The following OTUD7A variants were observed in gnomAD, a reference collection of about 807,000 sequenced individuals.
OTUD7A encodes OTU domain-containing protein 7A.
OTUD7A carries 12 observed loss-of-function variants against 65.7 expected under a neutral mutation model. The observed-to-expected ratio is 0.18, with a 90% CI of 0.12 to 0.30. OTUD7A has a LOEUF of 0.30. OTUD7A is among the 10% of genes least tolerant of loss of function. The pLI is 1.00. For missense variants in OTUD7A, 1,148 were observed against 1,304.8 expected (o/e 0.88, Z 1.85); for synonymous variants, 641 against 586.3 (o/e 1.09, Z -1.35).
intron 3 of OTUD7A, among the ~76,000 whole-genome samples, chr15:31,604,758 G>A (rs998286926): frequency 3.3e-5 from 5 of 152,226 alleles, no homozygotes; most frequent in African/African-American, 9.6e-5. Flanking sequence ...TCCCACTCAG[G>A]AGCCCAGGGG....
chr15:31,559,212 C>CCACACCTACA, intron 4 of OTUD7A, 25 bp from the exon 5 acceptor site: 1 of 1,603,456 alleles, frequency 6.2e-7, no homozygotes, highest in Non-Finnish European at 8.5e-7. Context: ...GGAAAGATAG[C>CCACACCTACA]CCCAAGGGCT....
intron 8 of OTUD7A, among the ~76,000 whole-genome samples, chr15:31,508,102 A>G (rs1186865065): frequency 1.2e-5 from 1 of 81,914 alleles, no homozygotes; most frequent in Non-Finnish European, 2.4e-5. Flanking sequence ...AGTTACATTA[A>G]TAACAAGGGA....
At chr15:31,801,152 A>C (rs998997880) in intron 1 of OTUD7A, among the ~76,000 whole-genome samples, 1 of 152,104 alleles carries the variant, frequency 6.6e-6, no homozygotes, top group Non-Finnish European at 1.5e-5. Flanking sequence ...CCTCCTAATG[A>C]ACAATCACTA....
chr15:31,710,446 C>T (rs1893413406), intron 1 of OTUD7A, among the ~76,000 whole-genome samples: 1 of 151,396 alleles, frequency 6.6e-6, no homozygotes, highest in Non-Finnish European at 1.5e-5. Context: ...TTTCACCCAG[C>T]CGCACGGCCA....
At chr15:31,504,906 T>G (rs1338785330) in intron 8 of OTUD7A, among the ~76,000 whole-genome samples, 5 of 151,886 alleles carry the variant, frequency 3.3e-5, no homozygotes, top group Non-Finnish European at 7.4e-5. Flanking sequence ...CCTTTTTTTT[T>G]TTGAGACAGA....
chr15:31,506,393 G>C (rs549619223), intron 8 of OTUD7A, among the ~76,000 whole-genome samples: 2 of 152,118 alleles, frequency 1.3e-5, no homozygotes, highest in South Asian at 4.1e-4. Flanking sequence ...GAATAACGTG[G>C]ACTTAAATTT....
intron 3 of OTUD7A, among the ~76,000 whole-genome samples, chr15:31,606,676 C>T (rs1039869008): frequency 6.6e-5 from 10 of 152,152 alleles, no homozygotes; most frequent in South Asian, 2.1e-4. Context: ...AACTGTCTAA[C>T]GCACGACTTC....
At chr15:31,643,020 C>T (rs1891562350) in intron 3 of OTUD7A, among the ~76,000 whole-genome samples, 2 of 152,076 alleles carry the variant, frequency 1.3e-5, no homozygotes, top group Middle Eastern at 3.4e-3. Flanking sequence ...TTAACTTATA[C>T]ATTTTCTTAT....
At chr15:31,724,902 G>A (rs978732949) in intron 1 of OTUD7A, among the ~76,000 whole-genome samples, 3 of 151,978 alleles carry the variant, frequency 2.0e-5, no homozygotes, top group African/African-American at 4.8e-5. Context: ...GGGGTGGGGG[G>A]CACGAAAGCA....
chr15:31,512,317 G>A (rs1046482918), intron 8 of OTUD7A, among the ~76,000 whole-genome samples: 14 of 152,118 alleles, frequency 9.2e-5, no homozygotes, highest in African/African-American at 3.1e-4. Flanking sequence ...TGGCAGAGGA[G>A]CACGCTCCCT....
chr15:31,636,049 T>C (rs1891331161), intron 3 of OTUD7A, among the ~76,000 whole-genome samples: 1 of 152,250 alleles, frequency 6.6e-6, no homozygotes. Flanking sequence ...TGACACCAAA[T>C]AAAATGCACA....
At position 31,628,290 on chromosome 15, in the gene OTUD7A, C is replaced by A. The variant is rs530091173; in HGVS notation, c.151+26806G>T. On this transcript the variant is annotated intron_variant, in intron 3 of 12. Transcript: ENST00000307050. ...TTGTAAAGGGTGTAAAGAAGGGATC[C>A]AGTTTCAGCTTTCTACATATGGCCA... is the stretch of plus-strand genomic sequence containing the variant. Among the ~76,000 whole-genome samples, 6 of 152,252 alleles carry A rather than the reference C, an allele frequency of 3.9e-5. No individual in the cohort carries two copies. The South Asian group carries it at 1.0e-3, about 26-fold the overall frequency.
intron 8 of OTUD7A, among the ~76,000 whole-genome samples, chr15:31,511,925 T>C (rs1251226015): frequency 6.6e-6 from 1 of 152,136 alleles, no homozygotes; most frequent in Non-Finnish European, 1.5e-5. Context: ...CTCACCTCTT[T>C]TTGAGGTTTA....
chr15:31,787,169 T>G (rs1454109581), intron 1 of OTUD7A, among the ~76,000 whole-genome samples: 1 of 152,058 alleles, frequency 6.6e-6, no homozygotes. Flanking sequence ...CTAGACACTG[T>G]TTTTCTGAAC....
chr15:31,744,633 A>G lies in OTUD7A; in HGVS notation c.-99-87556T>C, dbSNP rs369008791. On this transcript the variant is annotated intron_variant, in intron 1 of 12. Transcript: ENST00000307050. ...ATGAAACGTTGAATTATTTTCCCTT[A>G]TGATTAAAAAGAAGTTAGGCATATT... Among the ~76,000 whole-genome samples, 49 of 152,270 alleles carry G rather than the reference A, an allele frequency of 3.2e-4. No homozygotes were observed. In the South Asian group the frequency reaches 9.3e-3, roughly 29 times the overall value.
chr15:31,680,790 C>G lies in OTUD7A; in HGVS notation c.-99-23713G>C, dbSNP rs573790738. On this transcript the variant is annotated intron_variant, in intron 1 of 12. Coordinates refer to ENST00000307050, the MANE Select transcript of OTUD7A (RefSeq NM_001382637.1). ...TAGAAAGGTGCACTTTGTTTAGCAG[C>G]TGAAGTGATGTGGGCTGGAGAATCC... Among the ~76,000 whole-genome samples the G allele has an allele frequency of 3.1e-3, 471 of 152,238 alleles. 2 individuals are homozygous for G. The highest frequency in any genetic ancestry group is 0.011 in the African/African-American group (447 of 41,496).
chr15:31,627,441 T>C (rs1404806628), intron 3 of OTUD7A, among the ~76,000 whole-genome samples: 1 of 152,088 alleles, frequency 6.6e-6, no homozygotes, highest in African/African-American at 2.4e-5. Flanking sequence ...TATGGCTGCA[T>C]AGTATTCCAT....
At chr15:31,646,993 C>G (rs1267637229) in intron 3 of OTUD7A, among the ~76,000 whole-genome samples, 18 of 152,120 alleles carry the variant, frequency 1.2e-4, no homozygotes, top group Non-Finnish European at 7.4e-5. Context: ...CTGAATGAGG[C>G]CAGGCGAGAG....
chr15:31,781,611 C>T (rs575974732), intron 1 of OTUD7A, among the ~76,000 whole-genome samples: 8 of 152,298 alleles, frequency 5.3e-5, no homozygotes, highest in African/African-American at 1.2e-4. Context: ...CCTTAAATTC[C>T]GTCAGTCACA....
Sources: gnomAD v4.1 joint callset for allele counts (sites outside exome capture counted in the v4.1 genomes callset) on GRCh38, gnomAD v4.1.1 for gene constraint, MANE v1.5 for transcripts, NCBI Gene and HGNC (gene_info 2026-07-23, HGNC 2026-07-21) for gene names.